DPEP1: variants seen among roughly 807,000 people sequenced by gnomAD.
DPEP1 encodes dipeptidase 1.
A neutral mutation model predicts 42.3 loss-of-function variants in DPEP1; 50 were observed. The ratio of observed to expected loss-of-function variants is 1.18; its 90% confidence interval spans 0.94 to 1.50. The LOEUF is 1.50. Ranked by LOEUF, DPEP1 falls within the 40% of genes most tolerant of loss-of-function variation. The pLI, the probability that DPEP1 is intolerant of heterozygous loss-of-function variation, is 0.00. For missense variants in DPEP1, 663 were observed against 553.0 expected (o/e 1.20, Z -1.99); for synonymous variants, 297 against 234.0 (o/e 1.27, Z -2.46).
chr16:89,640,871 AC>A (rs2059738066), downstream of DPEP1, among the ~76,000 whole-genome samples: 1 of 152,022 alleles, frequency 6.6e-6, no homozygotes, highest in Non-Finnish European at 1.5e-5. Context: ...GGACGCGGAG[AC>A]CGGTAGTGGC....
At chr16:89,631,271 C>G (rs890013288) in intron 2 of DPEP1, among the ~76,000 whole-genome samples, 2 of 152,142 alleles carry the variant, frequency 1.3e-5, no homozygotes, top group Non-Finnish European at 2.9e-5. Flanking sequence ...CCTGGGTCAC[C>G]TGCTTCTGTC....
Position 89,630,589 on chromosome 16 carries a change from G to C in DPEP1, c.104+75G>C, listed in dbSNP as rs529073844. The C allele has an allele frequency of 4.0e-3, 502 of 124,840 alleles. 15 individuals carry two copies. Among genetic ancestry groups the C allele is most frequent in the African/African-American group, 0.021 (470 of 21,886 alleles). 7.7% of individuals were successfully genotyped at this position (124,840 alleles called of 1,614,324 possible). A position where few individuals can be genotyped will look rare whatever the true frequency, so the allele number is the denominator to read the frequency against. On this transcript the variant is annotated intron_variant, in intron 2 of 10. Transcript: ENST00000690203. ...GGGCTGGGAGAGCGGGGCTGGGGGA[G>C]CCGGGGCTGGGGGAGCGGGGCTGGG...
rs138839004 is a variant in DPEP1 at position 89,624,270 on chromosome 16, G to A, written c.-106-6035G>A. Among the ~76,000 whole-genome samples the A allele has an allele frequency of 2.4e-3, 362 of 152,226 alleles. 4 individuals carry two copies. Among genetic ancestry groups the A allele is most frequent in the Middle Eastern group, 0.014 (4 of 294 alleles). ...GGTTTGGCTCATGGTTGTGGAGGCT[G>A]AATGGGAAGCGTGGCACCAGCGTCT... On this transcript the variant is annotated intron_variant, in intron 1 of 10. Coordinates refer to ENST00000690203, the MANE Select transcript of DPEP1 (RefSeq NM_001389466.1).
At chr16:89,631,771 C>T (rs562019113) in intron 2 of DPEP1, among the ~76,000 whole-genome samples, 2 of 152,266 alleles carry the variant, frequency 1.3e-5, no homozygotes, top group Non-Finnish European at 2.9e-5. Flanking sequence ...GCAGGAGAAT[C>T]ACTTGAACTC....
intron 1 of DPEP1, among the ~76,000 whole-genome samples, chr16:89,618,802 A>C (rs1004932271): frequency 1.5e-5 from 2 of 131,448 alleles, no homozygotes; most frequent in African/African-American, 5.0e-5. Flanking sequence ...ATTAATATTT[A>C]TTTTATTTTC....
At chr16:89,617,788 C>CCGGGCG (rs2059396514) in intron 1 of DPEP1, among the ~76,000 whole-genome samples, 1 of 151,866 alleles carries the variant, frequency 6.6e-6, no homozygotes, top group Non-Finnish European at 1.5e-5. Context: ...CTGTGGGAGG[C>CCGGGCG]CAAGACGGGC....
In DPEP1 at chr16:89,624,005, C is replaced by G. The variant is rs77924978; in HGVS notation, c.-106-6300C>G. Among the ~76,000 whole-genome samples the G allele has an allele frequency of 0.024, 3,641 of 152,238 alleles. 634 individuals carry two copies. The East Asian group carries it at 0.49, about 20-fold the overall frequency. ...GCCGGGCCCATCCACCACACATGCA[C>G]AGACGGACTGTGGTGCGGTCACCTC... is the stretch of plus-strand genomic sequence containing the variant. On this transcript the variant is annotated intron_variant, in intron 1 of 10. Transcript: ENST00000690203.
At chr16:89,615,573 A>C (rs115476063) in intron 1 of DPEP1, among the ~76,000 whole-genome samples, 1,626 of 152,282 alleles carry the variant, frequency 0.011, 28 homozygotes, top group African/African-American at 0.037. Flanking sequence ...GGTGGCTCCG[A>C]GCACCTGCTC....
chr16:89,636,843 G>A, intron 5 of DPEP1, 23 bp from the exon 6 acceptor site: 2 of 1,612,086 alleles, frequency 1.2e-6, no homozygotes, highest in Non-Finnish European at 1.7e-6. Flanking sequence ...CACCTCTTGG[G>A]CACCTGCCTT....
At chr16:89,637,156 G>A (rs759939616) in intron 6 of DPEP1, 48 bp from the exon 7 acceptor site, 7 of 1,590,156 alleles carry the variant, frequency 4.4e-6, no homozygotes, top group East Asian at 2.2e-5. Flanking sequence ...CACCTCCGCA[G>A]CCCCGACCCT....
chr16:89,628,168 C>T (rs1214582475), intron 1 of DPEP1, among the ~76,000 whole-genome samples: 4 of 152,028 alleles, frequency 2.6e-5, no homozygotes, highest in African/African-American at 7.2e-5. Flanking sequence ...GTGATCCACC[C>T]GCCTCGGCCT....
At chr16:89,614,221 G>A (rs552361856) in intron 1 of DPEP1, among the ~76,000 whole-genome samples, 63 of 152,194 alleles carry the variant, frequency 4.1e-4, no homozygotes, top group Admixed American at 1.7e-3. Flanking sequence ...GTCTGGACCC[G>A]CCAGGCCCTC....
Position 89,636,642 on chromosome 16 carries a change from C to T in DPEP1, c.480C>T (p.Gly160=), listed in dbSNP as rs769387020. ...TCCTGCGGGCACTCTATCAGCTGGG[C>T]ATGCGGTACCTGACCCTCACCCACA... ...LGVLRALYQL[G]MRYLTLTHSC... The change falls in exon 5 of 11, where the codon GGC becomes GGT. Residue 160 remains glycine (G), a synonymous_variant. Coordinates refer to ENST00000690203, the MANE Select transcript of DPEP1 (RefSeq NM_001389466.1). The T allele has an allele frequency of 3.7e-6, 6 of 1,612,598 alleles. No homozygotes were observed. The highest frequency in any genetic ancestry group is 3.3e-5 in the South Asian group (3 of 91,088).
chr16:89,634,010 A>C (rs1458847989), intron 2 of DPEP1, among the ~76,000 whole-genome samples: 1 of 151,922 alleles, frequency 6.6e-6, no homozygotes, highest in Non-Finnish European at 1.5e-5. Flanking sequence ...GCCTGGTTGA[A>C]ACACAGATGA....
At chr16:89,635,269 A>C (rs867752504) in intron 2 of DPEP1, among the ~76,000 whole-genome samples, 1 of 149,600 alleles carries the variant, frequency 6.7e-6, no homozygotes, top group Admixed American at 6.7e-5. Flanking sequence ...CACCACCACC[A>C]GCTCCTGGGA....
intron 1 of DPEP1, among the ~76,000 whole-genome samples, chr16:89,623,278 A>G (rs948091728): frequency 2.6e-5 from 4 of 151,038 alleles, no homozygotes; most frequent in African/African-American, 9.7e-5. Flanking sequence ...AGCATAGCAA[A>G]ACCCCATCTC....
rs775064604 is a variant in DPEP1, at chr16:89,637,400, C to T, written c.768+20C>T. The T allele has an allele frequency of 7.9e-5, 127 of 1,612,250 alleles. No individual in the cohort carries two copies. Among genetic ancestry groups the T allele is most frequent in the Middle Eastern group, 1.6e-4 (1 of 6,082 alleles). ...CTGGTGGTGAGGGCCGAGGGGGCGA[C>T]CTCCACCCCGCCTCCCTGGGCAGGC... On this transcript the variant is annotated intron_variant, in intron 7 of 10. Coordinates refer to ENST00000690203, the MANE Select transcript of DPEP1 (RefSeq NM_001389466.1).
chr16:89,623,404 G>A (rs953941066), intron 1 of DPEP1, among the ~76,000 whole-genome samples: 11 of 152,160 alleles, frequency 7.2e-5, no homozygotes, highest in Non-Finnish European at 1.5e-4. Context: ...CATACGGCAC[G>A]GCCCACCTTG....
intron 1 of DPEP1, among the ~76,000 whole-genome samples, chr16:89,618,163 C>T (rs1016857508): frequency 2.0e-5 from 3 of 152,118 alleles, no homozygotes; most frequent in African/African-American, 7.2e-5. Flanking sequence ...TAGGATTTAA[C>T]TCATACAGAA....
Sources: allele counts gnomAD v4.1 joint callset (sites outside exome capture counted in the v4.1 genomes callset), GRCh38; gene constraint gnomAD v4.1.1; transcripts MANE v1.5; gene names NCBI Gene and HGNC (gene_info 2026-07-23, HGNC 2026-07-21).